The following GBP5 variants were observed in gnomAD, a reference collection of about 807,000 sequenced individuals.
GBP5 encodes the protein guanylate binding protein 5.
Under a neutral mutation model 58.2 loss-of-function variants are expected in GBP5, and 48 were observed. That is an observed-to-expected ratio of 0.83 (90% confidence interval 0.65 to 1.05). GBP5 has a LOEUF of 1.05. Ranked by LOEUF, GBP5 falls within the 50% of genes least tolerant of loss-of-function variation. GBP5 has a pLI of 0.00. For missense variants in GBP5, 714 were observed against 686.8 expected (o/e 1.04, Z -0.44); for synonymous variants, 248 against 251.8 (o/e 0.98, Z 0.14).
In GBP5 at chr1:89,260,007, A is replaced by G. The variant is rs1463865995; in HGVS notation, c.*697T>C. ...TGGCTAACCTTATAAGCCCATGTGC[A>G]TAACTCCCTCTAGGTCAGCGGTCCC... On this transcript the variant is annotated 3_prime_UTR_variant, in exon 12 of 12. Coordinates refer to ENST00000370459, the MANE Select transcript of GBP5 (RefSeq NM_052942.5). 6.6e-6 allele frequency: 1 copy of G among 152,280 alleles called. No homozygotes were observed. The highest frequency in any genetic ancestry group is 1.5e-5 in the Non-Finnish European group (1 of 68,134). 9.4% of individuals were successfully genotyped at this position (152,280 alleles called of 1,614,324 possible).
At chr1:89,272,219 GA>G (rs1650487194) in intron 1 of GBP5, 1 of 152,174 alleles carries the variant, frequency 6.6e-6, no homozygotes, top group Non-Finnish European at 1.5e-5. Context: ...AAAATAATTT[GA>G]AGGCATTTCA....
Position 89,266,552 on chromosome 1 carries a change from C to T in GBP5, c.662G>A (p.Arg221His), listed in dbSNP as rs754727393. 115 of 1,612,544 alleles carry T rather than the reference C, an allele frequency of 7.1e-5. No homozygotes were observed. The highest frequency in any genetic ancestry group is 4.0e-4 in the Admixed American group (24 of 59,960). ...TGGAAAGAACTTCTGTATACACAGA[C>T]GGGGCAAATTGAAATTTTGAACTCT... ...DQRVQNFNLPRLCIQKFFPKK... is the reference protein window; with the variant it reads ...DQRVQNFNLPHLCIQKFFPKK... Residue 221 changes from arginine to histidine, a missense_variant, in exon 7 of 12, where the codon CGT (arginine) becomes CAT (histidine). Physicochemically the swap from Arg to His is conservative, Grantham distance 29 (BLOSUM62 0). Coordinates refer to ENST00000370459, the MANE Select transcript of GBP5 (RefSeq NM_052942.5).
Position 89,268,734 on chromosome 1 carries a change from C to G in GBP5, c.313G>C (p.Glu105Gln). The change falls in exon 4 of 12, where the codon GAG (glutamate) becomes CAG (glutamine). Residue 105 changes from glutamate (E) to glutamine (Q), a missense_variant. Glu to Gln is a conservative substitution (Grantham distance 29). Transcript: ENST00000370459. The part of the protein sequence containing the change: ...LLDTEGLGDV[E>Q]KADNKNDIQI... ...AAAAAGGAATCCTTCCTTACCTTCT[C>G]TACATCTCCCAGGCCCTCGGTGTCA... is the stretch of plus-strand genomic sequence containing the variant. 1.2e-6 allele frequency: 2 copies of G among 1,614,002 alleles called. No homozygotes were observed. The highest frequency in any genetic ancestry group is 8.5e-7 in the Non-Finnish European group (1 of 1,179,946).
chr1:89,262,747 C>T lies in GBP5; in HGVS notation c.1401G>A (p.Glu467=), dbSNP rs766922146. 3.2e-6 allele frequency: 5 copies of T among 1,580,248 alleles called. No individual in the cohort carries two copies. In the South Asian group the frequency reaches 5.8e-5, roughly 18 times the overall value. ...EVLQKYLKSK[E]SVSHAILQTD... is the part of the protein sequence containing the mutation. ...TCTGTAATATTGCATGACTCACAGACTCCTTGGACTTTAAATATTTCTGCA... is the reference window on the plus strand; with the variant it reads ...TCTGTAATATTGCATGACTCACAGATTCCTTGGACTTTAAATATTTCTGCA... The change falls in exon 10 of 12, where the codon GAG becomes GAA. Residue 467 remains glutamate (E), a synonymous_variant. Transcript: ENST00000370459.
At chr1:89,272,105 T>C (rs951416866) in intron 1 of GBP5, 9 of 152,242 alleles carry the variant, frequency 5.9e-5, no homozygotes, top group African/African-American at 2.2e-4. Flanking sequence ...TTTTTGAAAC[T>C]TTCATGCTGA....
intron 8 of GBP5, among the ~76,000 whole-genome samples, chr1:89,264,477 G>A (rs746839579): frequency 7.2e-5 from 11 of 152,192 alleles, no homozygotes; most frequent in Non-Finnish European, 1.3e-4. Context: ...CATGGTAAAT[G>A]TATGCATATG....
intron 1 of GBP5, chr1:89,271,863 A>T (rs545734809): frequency 3.3e-5 from 5 of 152,342 alleles, no homozygotes; most frequent in African/African-American, 1.2e-4. Flanking sequence ...CCAACACAAA[A>T]GGGGTTAGTT....
intron 11 of GBP5, among the ~76,000 whole-genome samples, chr1:89,261,367 T>C (rs765360619): frequency 2.6e-5 from 4 of 152,156 alleles, no homozygotes; most frequent in African/African-American, 7.2e-5. Flanking sequence ...AACTAGTACC[T>C]ACAAACTGGC....
intron 7 of GBP5, 34 bp from the exon 8 acceptor site, chr1:89,265,000 C>A: frequency 6.4e-7 from 1 of 1,574,598 alleles, no homozygotes; most frequent in East Asian, 2.3e-5. Context: ...ATATTATTTG[C>A]AAAGGAAGAA....
chr1:89,270,215 A>C (rs1483836637), intron 2 of GBP5: 2 of 152,200 alleles, frequency 1.3e-5, no homozygotes, highest in Non-Finnish European at 2.9e-5. Flanking sequence ...AATAATACTT[A>C]ACCTATTTTT....
In GBP5 at chr1:89,256,551, G is replaced by A. The variant is rs945797094; in HGVS notation, c.*4153C>T. Among the ~76,000 whole-genome samples the A allele has an allele frequency of 3.2e-4, 48 of 152,072 alleles. No homozygotes were observed. The highest frequency in any genetic ancestry group is 1.1e-3 in the African/African-American group (45 of 41,394). On this transcript the variant is annotated 3_prime_UTR_variant, in exon 12 of 12. Transcript: ENST00000370459. ...TAATAATTTTGAAAAACAGAGAATG[G>A]GATGTAACTAACTAAAATATTGCTT...
chr1:89,268,647 A>C, intron 4 of GBP5, 82 bp downstream of exon 4: 1 of 1,483,106 alleles, frequency 6.7e-7, no homozygotes, highest in South Asian at 1.1e-5. Flanking sequence ...TGGAACTACA[A>C]ATTTAGAAAA....
At chr1:89,260,926 A>C (rs796461249) in intron 11 of GBP5, 109 bp from the exon 12 acceptor site, 13 of 721,116 alleles carry the variant, frequency 1.8e-5, no homozygotes, top group East Asian at 1.0e-4. Context: ...GTTCCTGAAT[A>C]TCTCTCTTCC....
intron 2 of GBP5, 161 bp from the exon 3 acceptor site, chr1:89,269,735 G>A: frequency 2.0e-6 from 1 of 488,832 alleles, no homozygotes; most frequent in Admixed American, 3.4e-5. Flanking sequence ...GTAAAATAGA[G>A]AGACTTTATT....
chr1:89,262,838 T>C (rs1650062998), intron 9 of GBP5, 53 bp from the exon 10 acceptor site: 9 of 1,053,294 alleles, frequency 8.5e-6, no homozygotes, highest in Middle Eastern at 2.1e-4. Flanking sequence ...ATTAGGAATG[T>C]TGTAAACATC....
intron 7 of GBP5, 140 bp from the exon 8 acceptor site, chr1:89,265,106 T>C: frequency 1.3e-6 from 1 of 756,088 alleles, no homozygotes; most frequent in Non-Finnish European, 2.1e-6. Flanking sequence ...GTGGCCCAAA[T>C]AAGTTTATTT....
chr1:89,262,021 G>T, intron 11 of GBP5, 199 bp downstream of exon 11: 1 of 571,080 alleles, frequency 1.8e-6, no homozygotes, highest in Non-Finnish European at 3.1e-6. Flanking sequence ...TTACACAAGA[G>T]GAAAATTAGG....
Position 89,267,098 on chromosome 1 carries a change from T to C in GBP5, c.484A>G (p.Arg162Gly), listed in dbSNP as rs1167596579. The change falls in exon 6 of 12, where the codon AGG (arginine) becomes GGG (glycine). Residue 162 changes from arginine (R) to glycine (G), a missense_variant. Arg to Gly is a moderately radical substitution (Grantham distance 125). Transcript: ENST00000370459. Reference sequence around the variant, plus strand: ...GCAGAGTCAGCAGGATCTTCAACCCTGTCAAGGTCGGGTGAGTTTCTTGCC... The same window carrying C: ...GCAGAGTCAGCAGGATCTTCAACCCCGTCAAGGTCGGGTGAGTTTCTTGCC... ...LKARNSPDLD[R>G]VEDPADSASF... 17 of 1,611,086 alleles carry C rather than the reference T, an allele frequency of 1.1e-5. No homozygotes were observed. The highest frequency in any genetic ancestry group is 1.4e-5 in the Non-Finnish European group (17 of 1,179,342).
At chr1:89,266,311 T>G in intron 7 of GBP5, 35 bp downstream of exon 7, 1 of 1,583,684 alleles carries the variant, frequency 6.3e-7, no homozygotes. Flanking sequence ...ATAGTTTACA[T>G]TAAATTGAAG....
Sources: allele counts gnomAD v4.1 joint callset (sites outside exome capture counted in the v4.1 genomes callset), GRCh38; gene constraint gnomAD v4.1.1; transcripts MANE v1.5; gene names NCBI Gene and HGNC (gene_info 2026-07-23, HGNC 2026-07-21).